The following ADGRB3 variants were observed in gnomAD, a reference collection of about 807,000 sequenced individuals.
ADGRB3 encodes the protein brain-specific angiogenesis inhibitor 3.
In ADGRB3, 37 loss-of-function variants were observed where a neutral mutation model predicts 193.4. The observed-to-expected ratio is 0.19, with a 90% confidence interval of 0.15 to 0.25. The LOEUF is 0.25. ADGRB3 is among the 10% of genes least tolerant of loss of function. The pLI is 1.00. For synonymous variants in ADGRB3, 690 were observed against 644.2 expected (o/e 1.07, Z -1.08); for missense variants, 1,637 against 1,852.9 (o/e 0.88, Z 2.14).
At chr6:68,963,174 G>C (rs1215962439) in intron 8 of ADGRB3, among the ~76,000 whole-genome samples, 1 of 152,146 alleles carries the variant, frequency 6.6e-6, no homozygotes, top group African/African-American at 2.4e-5. Context: ...AGCAGGAAGA[G>C]CCTGAACTAT....
At chr6:69,006,832 C>T (rs560244419) in intron 11 of ADGRB3, among the ~76,000 whole-genome samples, 19 of 152,044 alleles carry the variant, frequency 1.2e-4, no homozygotes, top group African/African-American at 3.6e-4. Context: ...TTTCTTACTT[C>T]GTCATCTTTT....
intron 5 of ADGRB3, 138 bp from the exon 6 acceptor site, chr6:68,943,691 TA>T (rs1767700104): frequency 1.6e-6 from 1 of 615,976 alleles, no homozygotes; most frequent in Admixed American, 3.8e-5. Flanking sequence ...TTATAAAAAA[TA>T]AGAATGTTAT....
chr6:69,141,444 G>A (rs1023367813), intron 17 of ADGRB3, among the ~76,000 whole-genome samples: 1 of 152,090 alleles, frequency 6.6e-6, no homozygotes, highest in African/African-American at 2.4e-5. Context: ...ATTTCATAAG[G>A]GTGGCCAAAG....
At chr6:68,975,385 C>T in intron 10 of ADGRB3, 45 bp downstream of exon 10, 1 of 1,423,852 alleles carries the variant, frequency 7.0e-7, no homozygotes, top group Non-Finnish European at 9.9e-7. Context: ...TTATTTTTTG[C>T]TAATGATCAC....
chr6:68,819,165 C>T (rs1767700604), intron 3 of ADGRB3, among the ~76,000 whole-genome samples: 1 of 151,890 alleles, frequency 6.6e-6, no homozygotes, highest in South Asian at 2.1e-4. Flanking sequence ...TAACTAGTTG[C>T]TTGTTAGTTA....
intron 17 of ADGRB3, 110 bp from the exon 18 acceptor site, chr6:69,233,180 A>T (rs745512513): frequency 2.1e-6 from 3 of 1,403,028 alleles, no homozygotes; most frequent in Admixed American, 2.2e-5. Context: ...TTTTTCCTGT[A>T]CAGGAATTAC....
intron 20 of ADGRB3, among the ~76,000 whole-genome samples, chr6:69,317,968 G>A (rs552621376): frequency 6.6e-5 from 10 of 151,490 alleles, no homozygotes; most frequent in South Asian, 2.1e-4. Context: ...CAACTAGCCC[G>A]TTGATTCTTT....
intron 3 of ADGRB3, among the ~76,000 whole-genome samples, chr6:68,910,276 G>A (rs1330559006): frequency 6.6e-6 from 1 of 151,954 alleles, no homozygotes; most frequent in Non-Finnish European, 1.5e-5. Flanking sequence ...TTGTTAATTT[G>A]TTTGAGTTCA....
chr6:69,048,279 C>T lies in ADGRB3; in HGVS notation c.2202C>T (p.Asn734=). 6.2e-7 allele frequency: 1 copy of T among 1,613,630 alleles called. No individual in the cohort carries two copies. Among genetic ancestry groups the T allele is most frequent in the South Asian group, 1.1e-5 (1 of 91,066 alleles). The change falls in exon 14 of 32, where the codon AAC becomes AAT. Residue 734 remains asparagine (N), a synonymous_variant. Coordinates refer to ENST00000370598, the MANE Select transcript of ADGRB3 (RefSeq NM_001704.3). ...AGGGAATGGTTGACTGGGCAAGAAA[C>T]TCAGAAGATAGGGTAGTAATTCCAA... ...GRKGMVDWAR[N]SEDRVVIPKS...
rs369555572 is a variant in ADGRB3 at position 69,113,471 on chromosome 6, C to T, written c.2480+37433C>T. Among the ~76,000 whole-genome samples the T allele has an allele frequency of 5.3e-5, 8 of 151,704 alleles. No individual in the cohort carries two copies. The East Asian group carries it at 7.7e-4, about 15-fold the overall frequency. Reference sequence around the variant, plus strand: ...TTACAAATTAGTGGAAACTCAAGTTCTAAAAAAACTAAAGTTATAATTAGT... The same window carrying T: ...TTACAAATTAGTGGAAACTCAAGTTTTAAAAAAACTAAAGTTATAATTAGT... On this transcript the variant is annotated intron_variant, in intron 17 of 31. Transcript: ENST00000370598.
At chr6:69,241,109 A>G (rs1766375310) in intron 20 of ADGRB3, among the ~76,000 whole-genome samples, 1 of 151,966 alleles carries the variant, frequency 6.6e-6, no homozygotes, top group South Asian at 2.1e-4. Flanking sequence ...CAAAGTTTTG[A>G]TAAGTTCTGA....
At chr6:68,984,233 C>A (rs1769009007) in intron 10 of ADGRB3, among the ~76,000 whole-genome samples, 2 of 152,122 alleles carry the variant, frequency 1.3e-5, no homozygotes, top group African/African-American at 4.8e-5. Context: ...GGTGGCAGGA[C>A]TGGAAACTTT....
chr6:68,802,376 A>T (rs1767329394), intron 3 of ADGRB3, among the ~76,000 whole-genome samples: 1 of 152,196 alleles, frequency 6.6e-6, no homozygotes, highest in African/African-American at 2.4e-5. Flanking sequence ...TTATAGATAT[A>T]GAAAGAAAAG....
intron 17 of ADGRB3, among the ~76,000 whole-genome samples, chr6:69,218,195 T>C (rs908174347): frequency 6.6e-6 from 1 of 152,156 alleles, no homozygotes; most frequent in Non-Finnish European, 1.5e-5. Flanking sequence ...TATAAGTATG[T>C]ACAATTGAAT....
intron 3 of ADGRB3, among the ~76,000 whole-genome samples, chr6:68,896,431 A>G (rs1766220248): frequency 6.6e-6 from 1 of 152,174 alleles, no homozygotes; most frequent in South Asian, 2.1e-4. Context: ...GGAGAAAAAT[A>G]GCTGAAAATT....
chr6:69,186,178 C>CAAA lies in ADGRB3; in HGVS notation c.2481-47094_2481-47092dup, dbSNP rs70987457. ...TCAAATATGCCACCAAATGAAATAGCAAAAAAAAAAAAAAAAAAAATTGTC... is the reference window on the plus strand; with the variant it reads ...TCAAATATGCCACCAAATGAAATAGCAAAAAAAAAAAAAAAAAAAAAAATTGTC... On this transcript the variant is annotated intron_variant, in intron 17 of 31. Transcript: ENST00000370598. 7.1e-3 allele frequency among the ~76,000 whole-genome samples: 763 copies of CAAA among 107,404 alleles called. 4 individuals are homozygous for CAAA. The highest frequency in any genetic ancestry group is 0.016 in the South Asian group (44 of 2,804). The allele number at this position is 107,404 out of a possible 152,430, so 70.5% of individuals were successfully genotyped here.
chr6:69,076,330 C>T (rs914607848), intron 17 of ADGRB3, among the ~76,000 whole-genome samples: 1 of 152,032 alleles, frequency 6.6e-6, no homozygotes, highest in Admixed American at 6.6e-5. Flanking sequence ...TTGATAGAAG[C>T]TCGAATGCCA....
At chr6:69,219,738 G>GATT (rs1027556076) in intron 17 of ADGRB3, among the ~76,000 whole-genome samples, 6 of 151,576 alleles carry the variant, frequency 4.0e-5, no homozygotes, top group Admixed American at 4.0e-4. Context: ...TATCTATGTG[G>GATT]ATTATTAATG....
intron 17 of ADGRB3, among the ~76,000 whole-genome samples, chr6:69,227,200 C>T (rs752551433): frequency 3.3e-5 from 5 of 152,064 alleles, no homozygotes; most frequent in Admixed American, 2.0e-4. Context: ...ATAGCTAGCA[C>T]AAAATGCCAA....
Sources: gnomAD v4.1 joint callset for allele counts (sites outside exome capture counted in the v4.1 genomes callset) on GRCh38, gnomAD v4.1.1 for gene constraint, MANE v1.5 for transcripts, NCBI Gene and HGNC (gene_info 2026-07-23, HGNC 2026-07-21) for gene names.